GRIN2B: variants seen among roughly 807,000 people sequenced by gnomAD.
GRIN2B encodes glutamate receptor ionotropic, NMDA 2B.
GRIN2B carries 5 observed loss-of-function variants against 114.5 expected under a neutral mutation model. That is an observed-to-expected ratio of 0.04 (90% confidence interval 0.02 to 0.09). The LOEUF is 0.09. Among genes scored for constraint, GRIN2B ranks in the 10% least tolerant of loss-of-function variants. The pLI, the probability that GRIN2B is intolerant of heterozygous loss-of-function variation, is 1.00. For synonymous variants in GRIN2B, 787 were observed against 745.1 expected (o/e 1.06, Z -0.92); for missense variants, 1,108 against 1,943.5 (o/e 0.57, Z 8.08).
intron 3 of GRIN2B, among the ~76,000 whole-genome samples, chr12:13,800,976 T>C (rs1864500627): frequency 6.6e-6 from 1 of 152,344 alleles, no homozygotes; most frequent in East Asian, 1.9e-4. Flanking sequence ...TAACAGTTTA[T>C]ACAAATTAAG....
intron 3 of GRIN2B, among the ~76,000 whole-genome samples, chr12:13,821,033 A>T (rs1486089829): frequency 1.3e-5 from 2 of 151,842 alleles, no homozygotes; most frequent in Non-Finnish European, 2.9e-5. Context: ...GCTACCGTAC[A>T]AAGTTTGCCC....
At chr12:13,959,256 G>A (rs1453433260) in intron 2 of GRIN2B, among the ~76,000 whole-genome samples, 1 of 152,208 alleles carries the variant, frequency 6.6e-6, no homozygotes, top group South Asian at 2.1e-4. Flanking sequence ...ACTCTAAGGT[G>A]TAGAGACAGA....
chr12:13,848,275 C>A (rs1283395797), intron 3 of GRIN2B, among the ~76,000 whole-genome samples: 1 of 152,106 alleles, frequency 6.6e-6, no homozygotes, highest in African/African-American at 2.4e-5. Flanking sequence ...GGAGGGAAAC[C>A]CGTTAGTTGC....
At chr12:13,754,005 T>C (rs1185359769) in intron 3 of GRIN2B, 90 bp from the exon 4 acceptor site, 3 of 751,284 alleles carry the variant, frequency 4.0e-6, no homozygotes, top group Non-Finnish European at 7.1e-6. Flanking sequence ...GGTACAAAGA[T>C]TTGTGTTCAT....
At chr12:13,710,376 C>T (rs975442407) in intron 4 of GRIN2B, among the ~76,000 whole-genome samples, 2 of 151,990 alleles carry the variant, frequency 1.3e-5, no homozygotes, top group African/African-American at 4.8e-5. Context: ...AAGTTCTGGC[C>T]AGGGCAATTA....
At chr12:13,879,902 G>A (rs1866045036) in intron 2 of GRIN2B, among the ~76,000 whole-genome samples, 1 of 152,228 alleles carries the variant, frequency 6.6e-6, no homozygotes, top group South Asian at 2.1e-4. Context: ...TAAATTAAAT[G>A]TTGAAAGCTG....
intron 2 of GRIN2B, among the ~76,000 whole-genome samples, chr12:13,876,962 C>T (rs771608859): frequency 6.6e-6 from 1 of 152,106 alleles, no homozygotes; most frequent in Non-Finnish European, 1.5e-5. Flanking sequence ...AGGCACTGTT[C>T]TAGGTCTTTC....
intron 3 of GRIN2B, among the ~76,000 whole-genome samples, chr12:13,837,709 G>A (rs1481515544): frequency 6.6e-6 from 1 of 152,174 alleles, no homozygotes; most frequent in African/African-American, 2.4e-5. Context: ...GGTGCAGGAT[G>A]TCCAAATAGA....
chr12:13,734,117 T>A (rs985083302), intron 4 of GRIN2B, among the ~76,000 whole-genome samples: 2 of 152,234 alleles, frequency 1.3e-5, no homozygotes, highest in Non-Finnish European at 2.9e-5. Context: ...CCATTCTAAG[T>A]TTCAATTTGC....
intron 5 of GRIN2B, among the ~76,000 whole-genome samples, chr12:13,636,077 C>T (rs974387666): frequency 4.0e-5 from 6 of 150,940 alleles, no homozygotes; most frequent in Non-Finnish European, 5.9e-5. Flanking sequence ...GGGAGTTAGA[C>T]AGGATGTTCA....
intron 2 of GRIN2B, among the ~76,000 whole-genome samples, chr12:13,879,747 C>T (rs1866043342): frequency 6.6e-6 from 1 of 152,232 alleles, no homozygotes; most frequent in African/African-American, 2.4e-5. Flanking sequence ...CAGTCAGTGC[C>T]TCCTTGTCCA....
At chr12:13,611,674 A>C in intron 9 of GRIN2B, 51 bp downstream of exon 9, 3 of 1,587,756 alleles carry the variant, frequency 1.9e-6, no homozygotes, top group East Asian at 2.2e-5. Context: ...CAGAGATTTG[A>C]AAATAAGGAG....
intron 2 of GRIN2B, among the ~76,000 whole-genome samples, chr12:13,928,339 A>G (rs1037505834): frequency 1.3e-5 from 2 of 151,958 alleles, no homozygotes; most frequent in Admixed American, 6.6e-5. Context: ...ATTTGAGTCT[A>G]TGGACACATC....
intron 3 of GRIN2B, among the ~76,000 whole-genome samples, chr12:13,768,959 G>A (rs1021698167): frequency 9.9e-5 from 15 of 152,196 alleles, no homozygotes; most frequent in African/African-American, 2.4e-4. Context: ...GTGTGAACCC[G>A]GGAGGTGGAG....
chr12:13,566,812 G>C (rs1400540007), intron 13 of GRIN2B, among the ~76,000 whole-genome samples: 1 of 152,206 alleles, frequency 6.6e-6, no homozygotes, highest in Non-Finnish European at 1.5e-5. Flanking sequence ...ATCCCACACA[G>C]AAAGCTGTTT....
At chr12:13,870,870 T>A (rs879463211) in intron 2 of GRIN2B, among the ~76,000 whole-genome samples, 10 of 152,146 alleles carry the variant, frequency 6.6e-5, no homozygotes, top group African/African-American at 2.4e-4. Context: ...TCTCATACAA[T>A]GGAAGTCAAG....
At chr12:13,977,773 T>C (rs1863053197) in intron 2 of GRIN2B, among the ~76,000 whole-genome samples, 1 of 152,170 alleles carries the variant, frequency 6.6e-6, no homozygotes, top group Non-Finnish European at 1.5e-5. Context: ...TGCTTCCTCA[T>C]CAGGGTCTCC....
At chr12:13,660,565 A>G (rs1180947080) in intron 5 of GRIN2B, among the ~76,000 whole-genome samples, 1 of 152,182 alleles carries the variant, frequency 6.6e-6, no homozygotes, top group African/African-American at 2.4e-5. Flanking sequence ...AAAAGCAGAA[A>G]CACCACTGGG....
At chr12:13,569,160 T>C (rs1211918776) in intron 12 of GRIN2B, among the ~76,000 whole-genome samples, 1 of 152,190 alleles carries the variant, frequency 6.6e-6, no homozygotes, top group Non-Finnish European at 1.5e-5. Flanking sequence ...GAAAAAGACC[T>C]CCTTGACAAA....
Sources: gnomAD v4.1 joint callset for allele counts (sites outside exome capture counted in the v4.1 genomes callset) on GRCh38, gnomAD v4.1.1 for gene constraint, MANE v1.5 for transcripts, NCBI Gene and HGNC (gene_info 2026-07-23, HGNC 2026-07-21) for gene names.